Variants in NFIB observed in about 807,000 individuals in gnomAD.
NFIB encodes nuclear factor I B, also known as nuclear factor 1 B-type.
A neutral mutation model predicts 61.5 loss-of-function variants in NFIB; 11 were observed. The observed-to-expected ratio is 0.18, with a 90% CI of 0.11 to 0.30. The LOEUF (loss-of-function observed/expected upper bound fraction) is 0.30, where lower values mean the gene tolerates loss of function less well. NFIB is among the 10% of genes least tolerant of loss of function. The pLI is 1.00. For synonymous variants in NFIB, 260 were observed against 216.5 expected, an observed-to-expected ratio of 1.20 and a Z score of -1.76; for missense variants, 471 against 608.9, an observed-to-expected ratio of 0.77 and a Z score of 2.38.
chr9:14,397,537 A>T (rs890796357), intron 1 of NFIB, among the ~76,000 whole-genome samples: 1 of 152,196 alleles, frequency 6.6e-6, no homozygotes, highest in Non-Finnish European at 1.5e-5. Context: ...ATCCCCCCCA[A>T]AAAGATTCAG....
At chr9:14,346,238 A>G (rs2061017908) in intron 1 of NFIB, among the ~76,000 whole-genome samples, 1 of 146,856 alleles carries the variant, frequency 6.8e-6, no homozygotes, top group Admixed American at 7.0e-5. Context: ...ATTTGTAGCC[A>G]TCTTTGCTCT....
At chr9:14,413,331 G>C in the NFIB span, among the ~76,000 whole-genome samples, 2 of 152,120 alleles carry the variant, frequency 1.3e-5, no homozygotes, top group African/African-American at 2.4e-5. Flanking sequence ...AATGAGGAGT[G>C]GGGGGAAGCA....
chr9:14,101,356 G>A (rs770694804), intron 10 of NFIB, among the ~76,000 whole-genome samples: 3 of 152,126 alleles, frequency 2.0e-5, no homozygotes, highest in Non-Finnish European at 4.4e-5. Flanking sequence ...AACATAATCT[G>A]AATTATTTCC....
the NFIB span, among the ~76,000 whole-genome samples, chr9:14,527,909 A>C: frequency 6.6e-6 from 1 of 152,160 alleles, no homozygotes; most frequent in East Asian, 1.9e-4. Context: ...CTGGTAGATT[A>C]CCATAGGAGT....
At chr9:14,240,719 T>C (rs183266192) in intron 2 of NFIB, among the ~76,000 whole-genome samples, 1 of 152,304 alleles carries the variant, frequency 6.6e-6, no homozygotes, top group Admixed American at 6.5e-5. Flanking sequence ...ACCGTCTGCG[T>C]TGTACTTCTG....
chr9:14,499,253 T>G, the NFIB span, among the ~76,000 whole-genome samples: 1 of 152,132 alleles, frequency 6.6e-6, no homozygotes, highest in African/African-American at 2.4e-5. Flanking sequence ...AAGGAGAAAT[T>G]CTGATGTCTG....
intron 1 of NFIB, among the ~76,000 whole-genome samples, chr9:14,354,489 C>G (rs1295861135): frequency 6.6e-6 from 1 of 152,230 alleles, no homozygotes; most frequent in African/African-American, 2.4e-5. Context: ...GAGTTTTCAG[C>G]TATAATCTGG....
the NFIB span, among the ~76,000 whole-genome samples, chr9:14,450,963 T>A: frequency 3.9e-5 from 6 of 152,232 alleles, no homozygotes; most frequent in Admixed American, 2.0e-4. Flanking sequence ...GTATCACTAA[T>A]TATATTTTTC....
intron 3 of NFIB, among the ~76,000 whole-genome samples, chr9:14,157,030 GA>G (rs2043502395): frequency 2.0e-5 from 3 of 152,126 alleles, no homozygotes; most frequent in Non-Finnish European, 4.4e-5. Flanking sequence ...GACCAGTTAT[GA>G]AATCTTGGCT....
chr9:14,340,366 G>T (rs372752777), intron 1 of NFIB, among the ~76,000 whole-genome samples: 2 of 152,130 alleles, frequency 1.3e-5, no homozygotes, highest in African/African-American at 4.8e-5. Context: ...CTCAACCCTA[G>T]CTAAACATTA....
rs2033166409 is a variant in NFIB at position 14,088,203 on chromosome 9, G to A, written c.*106C>T. ...TGTTGTGTTTCTTTTTCCCTCAGTT[G>A]CTTGTTTCTGCTTGAAGGAAAGGTT... On this transcript the variant is annotated 3_prime_UTR_variant, in exon 11 of 11. Transcript: ENST00000380953. 2 of 1,523,258 alleles carry A rather than the reference G, an allele frequency of 1.3e-6. No homozygotes were observed. The highest frequency in any genetic ancestry group is 1.4e-5 in the African/African-American group (1 of 71,692). The allele number at this position is 1,523,258 out of a possible 1,614,324, so 94.4% of individuals were successfully genotyped here.
intron 10 of NFIB, chr9:14,102,488 A>G (rs907449087): frequency 1.0e-5 from 16 of 1,550,286 alleles, no homozygotes; most frequent in African/African-American, 1.4e-5. Context: ...GTTTTGATTC[A>G]TGGTCCAGTC....
intron 2 of NFIB, among the ~76,000 whole-genome samples, chr9:14,222,967 C>T (rs2051882744): frequency 2.0e-5 from 3 of 152,056 alleles, no homozygotes; most frequent in Admixed American, 2.0e-4. Context: ...GCAGCTAAAT[C>T]AGGGGTGTCC....
intron 6 of NFIB, among the ~76,000 whole-genome samples, chr9:14,134,897 C>CAAAAAAAA (rs57014530): frequency 2.6e-4 from 17 of 64,334 alleles, no homozygotes; most frequent in African/African-American, 7.0e-4. Flanking sequence ...GACTCTGTCT[C>CAAAAAAAA]AAAAAAAAAA....
chr9:14,341,361 CTT>C (rs1233154493), intron 1 of NFIB, among the ~76,000 whole-genome samples: 4 of 152,182 alleles, frequency 2.6e-5, no homozygotes, highest in African/African-American at 9.7e-5. Context: ...GGACAGCTCT[CTT>C]TGTAGTTTAC....
the NFIB span, among the ~76,000 whole-genome samples, chr9:14,485,651 G>C: frequency 6.6e-6 from 1 of 152,118 alleles, no homozygotes; most frequent in East Asian, 1.9e-4. Context: ...AATGTAGGTC[G>C]ATCATCTGAG....
Position 14,084,608 on chromosome 9 carries a change from C to A in NFIB, c.*3701G>T, listed in dbSNP as rs963056964. 2 of 228,888 alleles carry A rather than the reference C, an allele frequency of 8.7e-6. No individual in the cohort carries two copies. The highest frequency in any genetic ancestry group is 5.7e-5 in the Admixed American group (1 of 17,596). 14.2% of individuals were successfully genotyped at this position (228,888 alleles called of 1,614,324 possible). A position where few individuals can be genotyped will look rare whatever the true frequency, so the allele number is the denominator to read the frequency against. Reference sequence around the variant, plus strand: ...GTGAGTGGTGGGTGGCAGGGCAGCACACAAAGGCTGAACAGTGCCACGGAA... The same window carrying A: ...GTGAGTGGTGGGTGGCAGGGCAGCAAACAAAGGCTGAACAGTGCCACGGAA... On this transcript the variant is annotated 3_prime_UTR_variant, in exon 11 of 11. Transcript: ENST00000380953.
intron 6 of NFIB, among the ~76,000 whole-genome samples, chr9:14,127,610 T>C (rs73409998): frequency 1.3e-5 from 2 of 152,048 alleles, no homozygotes; most frequent in Admixed American, 6.5e-5. Context: ...ACATACAAAA[T>C]GTACACAATT....
chr9:14,344,393 G>C (rs578108451), intron 1 of NFIB, among the ~76,000 whole-genome samples: 1 of 149,306 alleles, frequency 6.7e-6, no homozygotes, highest in Non-Finnish European at 1.5e-5. Context: ...GCTGTGTCTA[G>C]TCTATTGTTG....
Sources: allele counts gnomAD v4.1 joint callset (sites outside exome capture counted in the v4.1 genomes callset), GRCh38; gene constraint gnomAD v4.1.1; transcripts MANE v1.5; gene names NCBI Gene and HGNC (gene_info 2026-07-23, HGNC 2026-07-21).